ADGRL3: variants seen among roughly 807,000 people sequenced by gnomAD.
ADGRL3 encodes the protein adhesion G protein-coupled receptor L3.
In ADGRL3, 62 loss-of-function variants were observed where a neutral mutation model predicts 153.5. The observed-to-expected ratio is 0.40, with a 90% confidence interval of 0.33 to 0.50. The LOEUF is 0.50. Ranked by LOEUF, ADGRL3 falls within the 20% of genes least tolerant of loss-of-function variation. The pLI is 0.47. For missense variants in ADGRL3, 1,641 were observed against 1,859.4 expected (o/e 0.88, Z 2.16); for synonymous variants, 710 against 672.5 (o/e 1.06, Z -0.86).
intron 1 of ADGRL3, among the ~76,000 whole-genome samples, chr4:61,209,783 C>T (rs1566980): frequency 1 from 151,700 of 152,300 alleles, 75,556 homozygotes; most frequent in Middle Eastern, 1. Flanking sequence ...AAAATGAAAG[C>T]AACAATTTAA....
At chr4:61,313,348 G>T (rs2095084135) in intron 1 of ADGRL3, among the ~76,000 whole-genome samples, 1 of 152,130 alleles carries the variant, frequency 6.6e-6, no homozygotes, top group African/African-American at 2.4e-5. Context: ...AAACCCATAG[G>T]ATGTACAACA....
At chr4:61,662,270 C>A (rs1580155157) in intron 5 of ADGRL3, among the ~76,000 whole-genome samples, 1 of 152,350 alleles carries the variant, frequency 6.6e-6, no homozygotes, top group South Asian at 2.1e-4. Context: ...CCAGGCACAG[C>A]TGTAGCTGCC....
At chr4:61,985,403 C>T (rs777463367) in intron 19 of ADGRL3, among the ~76,000 whole-genome samples, 4 of 151,878 alleles carry the variant, frequency 2.6e-5, no homozygotes, top group African/African-American at 4.8e-5. Context: ...GAGGTCATGT[C>T]AAGAGAACAG....
At chr4:62,010,317 C>G (rs2099179441) in intron 21 of ADGRL3, among the ~76,000 whole-genome samples, 2 of 152,054 alleles carry the variant, frequency 1.3e-5, no homozygotes, top group Non-Finnish European at 2.9e-5. Flanking sequence ...CACACCTTCC[C>G]CCTCAACACA....
intron 1 of ADGRL3, among the ~76,000 whole-genome samples, chr4:61,293,525 A>G (rs767188878): frequency 6.6e-6 from 1 of 152,206 alleles, no homozygotes; most frequent in African/African-American, 2.4e-5. Flanking sequence ...TTTCATACTT[A>G]TGACTTATTT....
At chr4:61,972,477 G>C (rs2099032057) in intron 17 of ADGRL3, among the ~76,000 whole-genome samples, 1 of 152,128 alleles carries the variant, frequency 6.6e-6, no homozygotes, top group African/African-American at 2.4e-5. Context: ...TAGATATGCG[G>C]TGTTATTTCT....
chr4:61,972,429 G>T (rs565956806), intron 17 of ADGRL3, among the ~76,000 whole-genome samples: 152 of 152,200 alleles, frequency 1.0e-3, no homozygotes, highest in Non-Finnish European at 1.4e-3. Flanking sequence ...TTTCCCCATT[G>T]CTTGTTTTTG....
At chr4:61,472,917 A>C (rs1353802939) in intron 2 of ADGRL3, among the ~76,000 whole-genome samples, 2 of 152,084 alleles carry the variant, frequency 1.3e-5, no homozygotes, top group African/African-American at 4.8e-5. Context: ...TATTTGGTAC[A>C]TTTTCTTTTG....
intron 25 of ADGRL3, among the ~76,000 whole-genome samples, chr4:62,067,928 A>G (rs2151914188): frequency 6.6e-6 from 1 of 152,208 alleles, no homozygotes; most frequent in South Asian, 2.1e-4. Flanking sequence ...ACGCTTATTA[A>G]AGACTCATTA....
intron 9 of ADGRL3, among the ~76,000 whole-genome samples, chr4:61,829,217 TGA>T (rs1260920613): frequency 6.6e-6 from 1 of 152,248 alleles, no homozygotes; most frequent in African/African-American, 2.4e-5. Context: ...ATGTCAGATA[TGA>T]TCATCTGTTA....
chr4:61,640,695 C>G (rs73825906), intron 5 of ADGRL3, among the ~76,000 whole-genome samples: 4,279 of 152,228 alleles, frequency 0.028, 150 homozygotes, highest in East Asian at 0.14. Context: ...ATTAAGAAAA[C>G]TCTATTGACT....
intron 2 of ADGRL3, among the ~76,000 whole-genome samples, chr4:61,489,612 A>T (rs898419300): frequency 6.6e-6 from 1 of 152,016 alleles, no homozygotes; most frequent in Non-Finnish European, 1.5e-5. Flanking sequence ...AAGCTGTGTT[A>T]TGCAAATCTG....
At chr4:61,651,517 C>A (rs2150388084) in intron 5 of ADGRL3, among the ~76,000 whole-genome samples, 1 of 152,184 alleles carries the variant, frequency 6.6e-6, no homozygotes, top group African/African-American at 2.4e-5. Context: ...TCCTTATAGA[C>A]TAGTATTTGT....
At chr4:61,705,352 T>C (rs955139177) in intron 6 of ADGRL3, among the ~76,000 whole-genome samples, 3 of 151,658 alleles carry the variant, frequency 2.0e-5, no homozygotes, top group Non-Finnish European at 4.4e-5. Context: ...TGTTCTTCAA[T>C]GACTAGTGGG....
In ADGRL3 at chr4:61,866,473, G is replaced by A. The variant is rs1306588229; in HGVS notation, c.1481-26183G>A. Among the ~76,000 whole-genome samples the A allele has an allele frequency of 2.0e-5, 3 of 152,280 alleles. No individual in the cohort carries two copies. In the East Asian group the frequency reaches 5.8e-4, roughly 29 times the overall value. On this transcript the variant is annotated intron_variant, in intron 9 of 26. Transcript: ENST00000683033. ...GTGAACTTCCTCAGGATCATCTGCA[G>A]TCTTTAATGACATCAGGTTTGTGTG...
rs2095479798 is a variant in ADGRL3, at chr4:61,688,221, G to C, written c.583+11286G>C. On this transcript the variant is annotated intron_variant, in intron 6 of 26. Transcript: ENST00000683033. ...AAGTGATTTGGAGAAAAAATAAGTG[G>C]CTGTTTCTTAGTATATCTCTATGGC... 5.3e-5 allele frequency among the ~76,000 whole-genome samples: 8 copies of C among 152,028 alleles called. No individual in the cohort carries two copies. The South Asian group carries it at 1.7e-3, about 32-fold the overall frequency.
chr4:61,772,139 G>A (rs1296926400), intron 8 of ADGRL3, among the ~76,000 whole-genome samples: 4 of 152,158 alleles, frequency 2.6e-5, no homozygotes, highest in African/African-American at 7.2e-5. Flanking sequence ...TAATCACTGA[G>A]TACTTAGAAC....
intron 2 of ADGRL3, among the ~76,000 whole-genome samples, chr4:61,480,695 A>G (rs1376062904): frequency 1.3e-5 from 2 of 152,084 alleles, no homozygotes; most frequent in East Asian, 3.9e-4. Flanking sequence ...AGGCAGGAGA[A>G]TCTCTTGAAC....
At chr4:61,628,422 G>T (rs2092960951) in intron 5 of ADGRL3, among the ~76,000 whole-genome samples, 1 of 152,122 alleles carries the variant, frequency 6.6e-6, no homozygotes. Flanking sequence ...CAGATTCTTT[G>T]ACAAAGTATT....
Sources: gnomAD v4.1 joint callset for allele counts (sites outside exome capture counted in the v4.1 genomes callset) on GRCh38, gnomAD v4.1.1 for gene constraint, MANE v1.5 for transcripts, NCBI Gene and HGNC (gene_info 2026-07-23, HGNC 2026-07-21) for gene names.